Variants in NCKIPSD observed in about 807,000 individuals in gnomAD.
NCKIPSD encodes NCK-interacting protein with SH3 domain.
In NCKIPSD, 48 loss-of-function variants were observed where a neutral mutation model predicts 73.4. The observed-to-expected ratio is 0.65, with a 90% CI of 0.52 to 0.83. The LOEUF (loss-of-function observed/expected upper bound fraction) is 0.83. Among genes scored for constraint, NCKIPSD ranks in the 40% least tolerant of loss-of-function variants. The pLI is 0.00. For missense variants in NCKIPSD, 884 were observed against 970.2 expected (o/e 0.91, Z 1.18); for synonymous variants, 422 against 403.6 (o/e 1.05, Z -0.54).
At chr3:48,680,294 C>T (rs2077329992) in intron 5 of NCKIPSD, 65 bp from the exon 6 acceptor site, 3 of 1,489,212 alleles carry the variant, frequency 2.0e-6, no homozygotes, top group Non-Finnish European at 2.7e-6. Flanking sequence ...AGGGAGCCTC[C>T]AAGGCCTGGA....
chr3:48,677,066 C>A (rs2077266789), intron 12 of NCKIPSD, among the ~76,000 whole-genome samples: 1 of 148,160 alleles, frequency 6.7e-6, no homozygotes, highest in Non-Finnish European at 1.5e-5. Context: ...CATGAGCCAC[C>A]GCGCCTGGCC....
chr3:48,682,904 G>A lies in NCKIPSD; in HGVS notation c.280C>T (p.Gln94Ter). The change falls in exon 2 of 13, where the codon CAG becomes TAG. Residue 94 changes from glutamine to a stop codon, truncating the protein, a stop_gained and splice_region_variant. Transcript: ENST00000294129. LOFTEE classifies it high-confidence loss of function. Reference sequence around the variant, plus strand: ...CACTTCACTCCCCTCAACACTCACTGGAGGACTCCACGCTGTTCCAGGCTG... The same window carrying A: ...CACTTCACTCCCCTCAACACTCACTAGAGGACTCCACGCTGTTCCAGGCTG... ...KYSLEQRGVL[Q>*]KLIHHRKETL... 13 of 1,549,406 alleles carry A rather than the reference G, an allele frequency of 8.4e-6. No homozygotes were observed. The highest frequency in any genetic ancestry group is 1.1e-5 in the Non-Finnish European group (13 of 1,146,228).
chr3:48,675,473 C>T (rs955840989), intron 12 of NCKIPSD, among the ~76,000 whole-genome samples: 5 of 147,548 alleles, frequency 3.4e-5, no homozygotes, highest in African/African-American at 1.2e-4. Flanking sequence ...CTGGCTGAAC[C>T]AGTTCCAACA....
Position 48,674,236 on chromosome 3 carries a change from G to A in NCKIPSD, c.*308C>T. On this transcript the variant is annotated 3_prime_UTR_variant, in exon 13 of 13. Transcript: ENST00000294129. Reference sequence around the variant, plus strand: ...GGATGGGGGTCTGGTCCAGCCTGGAGCGGCAGCAGGACTCTGAGTGTACAC... The same window carrying A: ...GGATGGGGGTCTGGTCCAGCCTGGAACGGCAGCAGGACTCTGAGTGTACAC... 2 of 1,269,750 alleles carry A rather than the reference G, an allele frequency of 1.6e-6. No individual in the cohort carries two copies. The highest frequency in any genetic ancestry group is 1.9e-5 in the South Asian group (1 of 52,996). The allele number at this position is 1,269,750 out of a possible 1,614,324, so 78.7% of individuals were successfully genotyped here.
chr3:48,677,232 A>T (rs1020801788), intron 12 of NCKIPSD, among the ~76,000 whole-genome samples: 1 of 151,618 alleles, frequency 6.6e-6, no homozygotes, highest in Non-Finnish European at 1.5e-5. Flanking sequence ...CTGCTAAAAT[A>T]TAAAAATTAG....
rs2077431881 is a variant in NCKIPSD, at chr3:48,685,874, C to G, written c.-67G>C. The G allele has an allele frequency of 7.6e-7, 1 of 1,311,688 alleles. No individual in the cohort carries two copies. Among genetic ancestry groups the G allele is most frequent in the Admixed American group, 4.2e-5 (1 of 23,986 alleles). The allele number at this position is 1,311,688 out of a possible 1,614,324, so 81.3% of individuals were successfully genotyped here. A position where few individuals can be genotyped will look rare whatever the true frequency, so the allele number is the denominator to read the frequency against. ...CGGCGCCACAACGCCAGGCCGGGAGCGCCGAGCCGCGCCGCGGTTGTCCCG... is the reference window on the plus strand; with the variant it reads ...CGGCGCCACAACGCCAGGCCGGGAGGGCCGAGCCGCGCCGCGGTTGTCCCG... On this transcript the variant is annotated 5_prime_UTR_variant, in exon 1 of 13. Transcript: ENST00000294129.
In NCKIPSD at chr3:48,685,671, C is replaced by G. The variant is rs1269210554; in HGVS notation, c.137G>C (p.Gly46Ala). Residue 46 changes from glycine (G) to alanine (A), a missense_variant, in exon 1 of 13, where the codon GGC becomes GCC. By Grantham distance (60) the Gly-to-Ala change is moderately conservative. Coordinates refer to ENST00000294129, the MANE Select transcript of NCKIPSD (RefSeq NM_016453.4). ...LAARARSGET[G>A]YVPPAYLRRL... ...GCGCAGGTAGGCTGGCGGCACGTAG[C>G]CCGTCTCACCACTGCGCGCCCGCGC... is the stretch of plus-strand genomic sequence containing the variant. 3 of 1,525,546 alleles carry G rather than the reference C, an allele frequency of 2.0e-6. No homozygotes were observed. The highest frequency in any genetic ancestry group is 1.7e-4 in the Middle Eastern group (1 of 5,896). The allele number at this position is 1,525,546 out of a possible 1,614,324, so 94.5% of individuals were successfully genotyped here.
intron 12 of NCKIPSD, among the ~76,000 whole-genome samples, 175 bp from the exon 13 acceptor site, chr3:48,674,922 T>C (rs2077229143): frequency 6.6e-6 from 1 of 152,106 alleles, no homozygotes; most frequent in Non-Finnish European, 1.5e-5. Flanking sequence ...AGTTTTTGAG[T>C]AAGCGAATAA....
rs748538841 is a variant in NCKIPSD, at chr3:48,679,899, A to G, written c.1264-12T>C. 2 of 1,614,158 alleles carry G rather than the reference A, an allele frequency of 1.2e-6. No homozygotes were observed. Among genetic ancestry groups the G allele is most frequent in the East Asian group, 4.5e-5 (2 of 44,884 alleles). On this transcript the variant is annotated splice_polypyrimidine_tract_variant and intron_variant, in intron 6 of 12. Coordinates refer to ENST00000294129, the MANE Select transcript of NCKIPSD (RefSeq NM_016453.4). ...GGGTCTGCATCAGTCTACAGAAATG[A>G]GGAAGTGAGAGCATCAGCCACCATG...
At chr3:48,683,835 T>C (rs1220859788) in intron 1 of NCKIPSD, among the ~76,000 whole-genome samples, 1 of 152,062 alleles carries the variant, frequency 6.6e-6, no homozygotes, top group South Asian at 2.1e-4. Context: ...GTCCCGGAGC[T>C]GAGATGAACT....
Position 48,685,810 on chromosome 3 carries a change from G to A in NCKIPSD, c.-3C>T, listed in dbSNP as rs1441421028. The A allele has an allele frequency of 1.4e-6, 2 of 1,477,284 alleles. No homozygotes were observed. Among genetic ancestry groups the A allele is most frequent in the Admixed American group, 2.4e-5 (1 of 41,136 alleles). 91.5% of individuals were successfully genotyped at this position (1,477,284 alleles called of 1,614,324 possible). A position where few individuals can be genotyped will look rare whatever the true frequency, so the allele number is the denominator to read the frequency against. The stretch of plus-strand genomic sequence containing the variant: ...AACGCGTACAGCGCGCGGTACATGA[G>A]GCCGGGCAGGGCAGGTGCAGGGAAG... On this transcript the variant is annotated 5_prime_UTR_variant, in exon 1 of 13. Coordinates refer to ENST00000294129, the MANE Select transcript of NCKIPSD (RefSeq NM_016453.4).
chr3:48,684,008 A>ACG (rs1207829652), intron 1 of NCKIPSD, among the ~76,000 whole-genome samples: 1 of 150,740 alleles, frequency 6.6e-6, no homozygotes, highest in African/African-American at 2.5e-5. Context: ...ACACACACAC[A>ACG]CACACACACA....
At chr3:48,684,931 G>A (rs1050817135) in intron 1 of NCKIPSD, among the ~76,000 whole-genome samples, 12 of 144,976 alleles carry the variant, frequency 8.3e-5, no homozygotes, top group Admixed American at 8.0e-4. Context: ...AGTGTCAGCA[G>A]GGGCATGGGT....
intron 1 of NCKIPSD, among the ~76,000 whole-genome samples, chr3:48,685,146 T>G (rs2077414943): frequency 8.0e-6 from 1 of 124,458 alleles, no homozygotes; most frequent in Admixed American, 8.8e-5. Context: ...CAGGTCTCAG[T>G]GGTGGCTCCA....
chr3:48,682,203 C>T (rs754355211), intron 3 of NCKIPSD, 47 bp from the exon 4 acceptor site: 14 of 1,575,480 alleles, frequency 8.9e-6, no homozygotes, highest in East Asian at 2.2e-5. Context: ...ACATCTAGAG[C>T]GTCAGCGAGG....
chr3:48,684,712 C>G (rs192816652), intron 1 of NCKIPSD, among the ~76,000 whole-genome samples: 1 of 152,336 alleles, frequency 6.6e-6, no homozygotes, highest in East Asian at 1.9e-4. Context: ...ACCCCAACCC[C>G]CGCAGCAGGG....
At chr3:48,674,770 C>G in intron 12 of NCKIPSD, 23 bp from the exon 13 acceptor site, 1 of 1,610,194 alleles carries the variant, frequency 6.2e-7, no homozygotes, top group Non-Finnish European at 8.5e-7. Context: ...CAGGCCAGCT[C>G]AGGGACCCCA....
At position 48,685,691 on chromosome 3, in the gene NCKIPSD, C is replaced by G. The variant is rs2077426574; in HGVS notation, c.117G>C (p.Arg39=). 6.6e-6 allele frequency: 10 copies of G among 1,526,108 alleles called. No homozygotes were observed. Among genetic ancestry groups the G allele is most frequent in the Non-Finnish European group, 8.8e-6 (10 of 1,142,760 alleles). 94.5% of individuals were successfully genotyped at this position (1,526,108 alleles called of 1,614,324 possible). A position where few individuals can be genotyped will look rare whatever the true frequency, so the allele number is the denominator to read the frequency against. The change falls in exon 1 of 13, where the codon CGG becomes CGC. Residue 39 remains arginine, a synonymous_variant. Transcript: ENST00000294129. Reference sequence around the variant, plus strand: ...CGTAGCCCGTCTCACCACTGCGCGCCCGCGCGGCCAGCCACCAGTGCGCGC... The same window carrying G: ...CGTAGCCCGTCTCACCACTGCGCGCGCGCGCGGCCAGCCACCAGTGCGCGC... The part of the protein sequence containing the change: ...RSSAHWWLAA[R]ARSGETGYVP...
In NCKIPSD at chr3:48,679,368, C is replaced by A; in HGVS notation, c.1570+9G>T. On this transcript the variant is annotated intron_variant, in intron 9 of 12. Coordinates refer to ENST00000294129, the MANE Select transcript of NCKIPSD (RefSeq NM_016453.4). The stretch of plus-strand genomic sequence containing the variant: ...CCTGTGATCAGCTGGTCGGTTACTG[C>A]ATTCTTACCATAGTGTGCATAGGGC... 2 of 1,614,140 alleles carry A rather than the reference C, an allele frequency of 1.2e-6. No homozygotes were observed. The highest frequency in any genetic ancestry group is 1.1e-5 in the South Asian group (1 of 91,074).
Sources: gnomAD v4.1 joint callset for allele counts (sites outside exome capture counted in the v4.1 genomes callset) on GRCh38, gnomAD v4.1.1 for gene constraint, MANE v1.5 for transcripts, NCBI Gene and HGNC (gene_info 2026-07-23, HGNC 2026-07-21) for gene names.